The following SPRY3 variants were observed in gnomAD, a reference collection of about 807,000 sequenced individuals.
SPRY3 encodes the protein protein sprouty homolog 3.
A neutral mutation model predicts 20.2 loss-of-function variants in SPRY3; 15 were observed. The ratio of observed to expected loss-of-function variants is 0.74; its 90% confidence interval spans 0.50 to 1.14. The LOEUF (loss-of-function observed/expected upper bound fraction) is 1.14. Among genes scored for constraint, SPRY3 ranks in the 50% most tolerant of loss-of-function variants. The probability of loss-of-function intolerance (pLI) is 0.00; values close to 1 mark genes in which losing one functional copy is unlikely to be tolerated. For synonymous variants in SPRY3, 143 were observed against 136.5 expected (o/e 1.05, Z -0.33); for missense variants, 364 against 363.9 (o/e 1.00, Z 0.00).
chrX:155,720,047 G>A (rs761388249), intron 2 of SPRY3, among the ~76,000 whole-genome samples: 142 of 152,258 alleles, frequency 9.3e-4, no homozygotes, highest in Admixed American at 1.9e-3. Context: ...GACCTGCCCT[G>A]GGTCAGAGGG....
chrX:155,627,499 A>G (rs1037111078), intron 1 of SPRY3, among the ~76,000 whole-genome samples: 23 of 111,905 alleles, frequency 2.1e-4, no homozygotes, highest in African/African-American at 7.5e-4. Context: ...GCACTCATTG[A>G]TGGACACTTA....
At chrX:155,653,362 T>C (rs1174298888) in intron 1 of SPRY3, among the ~76,000 whole-genome samples, 1 of 112,104 alleles carries the variant, frequency 8.9e-6, no homozygotes, top group Non-Finnish European at 1.9e-5. Flanking sequence ...CTTCTAATAT[T>C]GGTACAGTTT....
intron 2 of SPRY3, among the ~76,000 whole-genome samples, chrX:155,740,176 A>C (rs1219046623): frequency 6.6e-6 from 1 of 152,178 alleles, no homozygotes; most frequent in East Asian, 1.9e-4. Flanking sequence ...TAATCCTATT[A>C]TCTTCATAAG....
chrX:155,777,805 T>A (rs752296697), downstream of SPRY3: 1 of 166,380 alleles, frequency 6.0e-6, no homozygotes, highest in African/African-American at 2.4e-5. Flanking sequence ...TGCTTAGCAT[T>A]TTTTTGCAGT....
chrX:155,762,065 G>A (rs1419993787), intron 2 of SPRY3, among the ~76,000 whole-genome samples: 3 of 151,994 alleles, frequency 2.0e-5, no homozygotes, highest in African/African-American at 7.3e-5. Flanking sequence ...ACTTGAAAAT[G>A]TCTCATCTTT....
At chrX:155,773,333 T>TAC (rs2091395468) in intron 3 of SPRY3, among the ~76,000 whole-genome samples, 2 of 146,032 alleles carry the variant, frequency 1.4e-5, no homozygotes, top group African/African-American at 5.0e-5. Context: ...TATATATATA[T>TAC]ATATATATGA....
At chrX:155,638,344 ATATATATATATATATATATATATATG>A in intron 1 of SPRY3, among the ~76,000 whole-genome samples, 1 of 50,159 alleles carries the variant, frequency 2.0e-5, no homozygotes, top group African/African-American at 9.8e-5. Context: ...ATATATATAT[ATATATATATATATATATATATATATG>A]TAAAGTTTTA....
intron 2 of SPRY3, among the ~76,000 whole-genome samples, chrX:155,709,818 C>T (rs1313364087): frequency 6.6e-6 from 1 of 151,704 alleles, no homozygotes. Flanking sequence ...AGTATTTAAT[C>T]CATTTGGATT....
intron 2 of SPRY3, among the ~76,000 whole-genome samples, chrX:155,692,969 T>C (rs1176927666): frequency 1.8e-5 from 2 of 111,208 alleles, no homozygotes; most frequent in East Asian, 2.8e-4. Flanking sequence ...AGTTGATCTT[T>C]AATTTATTTA....
At chrX:155,773,369 G>C (rs2091396151) in intron 3 of SPRY3, among the ~76,000 whole-genome samples, 1 of 143,814 alleles carries the variant, frequency 7.0e-6, no homozygotes, top group Non-Finnish European at 1.5e-5. Context: ...AGACTTTTGA[G>C]GCTTTCTCTT....
chrX:155,780,917 G>A (rs893591641), downstream of SPRY3: 3 of 166,946 alleles, frequency 1.8e-5, no homozygotes, highest in African/African-American at 7.2e-5. Flanking sequence ...TATAATCAGT[G>A]TGTTTCTCTC....
intron 2 of SPRY3, among the ~76,000 whole-genome samples, chrX:155,735,973 G>T (rs2091166497): frequency 6.7e-6 from 1 of 149,570 alleles, no homozygotes. Flanking sequence ...CATATTGTTT[G>T]TTTCCTTTGA....
chrX:155,703,599 TTG>T, intron 2 of SPRY3, among the ~76,000 whole-genome samples: 1 of 129,134 alleles, frequency 7.7e-6, no homozygotes, highest in East Asian at 2.2e-4. Context: ...GAAGGGTTTT[TTG>T]TGTCTCTATT....
At chrX:155,629,789 G>T (rs1557350277) in intron 1 of SPRY3, among the ~76,000 whole-genome samples, 2 of 111,971 alleles carry the variant, frequency 1.8e-5, no homozygotes, top group Non-Finnish European at 3.8e-5. Context: ...TTGTTCTCTT[G>T]CTATTGACTT....
chrX:155,658,729 G>A (rs2067999573), intron 2 of SPRY3, among the ~76,000 whole-genome samples: 2 of 111,664 alleles, frequency 1.8e-5, no homozygotes, highest in Non-Finnish European at 3.8e-5. Flanking sequence ...TGCTCAATAG[G>A]GAGTGGTAAA....
At chrX:155,750,416 C>G (rs759654234) in intron 2 of SPRY3, among the ~76,000 whole-genome samples, 10 of 151,850 alleles carry the variant, frequency 6.6e-5, no homozygotes, top group African/African-American at 2.2e-4. Context: ...CATATACCCT[C>G]TGAACCTAAA....
chrX:155,687,452 T>G (rs2068090767), intron 2 of SPRY3, among the ~76,000 whole-genome samples: 1 of 112,622 alleles, frequency 8.9e-6, no homozygotes, highest in Admixed American at 9.4e-5. Context: ...CAAATTGACT[T>G]TATCAAAAGG....
rs2090931969 is a variant in SPRY3, at chrX:155,704,215, A to C, written c.-282+47190A>C. On this transcript the variant is annotated intron_variant, in intron 2 of 3. Coordinates refer to ENST00000675360, the Ensembl canonical transcript of SPRY3. Reference sequence around the variant, plus strand: ...GACACAAATTTGGAAACTCTCTGACAGGTAACTTAAAATAACTATGAGTAA... The same window carrying C: ...GACACAAATTTGGAAACTCTCTGACCGGTAACTTAAAATAACTATGAGTAA... Among the ~76,000 whole-genome samples the C allele has an allele frequency of 3.3e-5, 5 of 151,904 alleles. No individual in the cohort carries two copies. In the Admixed American group the frequency reaches 3.3e-4, roughly 10 times the overall value.
chrX:155,703,997 A>G (rs1206878742), intron 2 of SPRY3, among the ~76,000 whole-genome samples: 13 of 151,580 alleles, frequency 8.6e-5, no homozygotes, highest in Admixed American at 4.6e-4. Context: ...AATAATGCAA[A>G]CCCTCGCACT....
Sources: allele counts gnomAD v4.1 joint callset (sites outside exome capture counted in the v4.1 genomes callset), GRCh38; gene constraint gnomAD v4.1.1; transcripts MANE v1.5; gene names NCBI Gene and HGNC (gene_info 2026-07-23, HGNC 2026-07-21).